SPPL3: variants seen among roughly 807,000 people sequenced by gnomAD.
SPPL3 encodes signal peptide peptidase like 3, also known as signal peptide peptidase-like 3.
A neutral mutation model predicts 42.4 loss-of-function variants in SPPL3; 5 were observed. The observed-to-expected ratio is 0.12, with a 90% CI of 0.06 to 0.25. The LOEUF is 0.25. SPPL3 is among the 10% of genes least tolerant of loss of function. The pLI, the probability that SPPL3 is intolerant of heterozygous loss-of-function variation, is 1.00. For synonymous variants in SPPL3, 195 were observed against 181.8 expected, an observed-to-expected ratio of 1.07 and a Z score of -0.58; for missense variants, 235 against 489.0, an observed-to-expected ratio of 0.48 and a Z score of 4.90.
At chr12:120,767,936 C>T (rs1868970682) in intron 8 of SPPL3, among the ~76,000 whole-genome samples, 1 of 152,172 alleles carries the variant, frequency 6.6e-6, no homozygotes, top group African/African-American at 2.4e-5. Context: ...GCTACTATTA[C>T]AGGTGGAAGA....
At chr12:120,776,993 T>C (rs1869343455) in intron 6 of SPPL3, among the ~76,000 whole-genome samples, 1 of 152,194 alleles carries the variant, frequency 6.6e-6, no homozygotes. Flanking sequence ...GTGCTTTCAT[T>C]GTCTCATTCC....
intron 1 of SPPL3, among the ~76,000 whole-genome samples, chr12:120,838,409 C>T (rs957691020): frequency 6.6e-6 from 1 of 152,164 alleles, no homozygotes. Context: ...TCCCAAACTG[C>T]GACCAAAAAC....
At chr12:120,890,588 C>CAAAAA (rs34253596) in intron 1 of SPPL3, among the ~76,000 whole-genome samples, 6 of 91,434 alleles carry the variant, frequency 6.6e-5, no homozygotes, top group Non-Finnish European at 8.5e-5. Flanking sequence ...GACTCCGTCT[C>CAAAAA]AAAAAAAAAA....
chr12:120,872,323 C>A (rs1242215965), intron 1 of SPPL3, among the ~76,000 whole-genome samples: 2 of 152,106 alleles, frequency 1.3e-5, no homozygotes, highest in Non-Finnish European at 2.9e-5. Context: ...GAAAACCAGA[C>A]AATACACATG....
intron 1 of SPPL3, among the ~76,000 whole-genome samples, chr12:120,863,116 G>A (rs1872657607): frequency 1.3e-5 from 2 of 152,202 alleles, no homozygotes; most frequent in Non-Finnish European, 2.9e-5. Flanking sequence ...GGGAGGCTGA[G>A]GTGGGTGGAT....
intron 3 of SPPL3, among the ~76,000 whole-genome samples, chr12:120,790,546 C>T (rs1869879699): frequency 6.6e-6 from 1 of 152,074 alleles, no homozygotes; most frequent in African/African-American, 2.4e-5. Flanking sequence ...TTATATGTTC[C>T]CCTAACCTGA....
chr12:120,767,789 C>T (rs922492746), intron 8 of SPPL3, among the ~76,000 whole-genome samples, 196 bp from the exon 9 acceptor site: 5 of 152,232 alleles, frequency 3.3e-5, no homozygotes, highest in African/African-American at 4.8e-5. Flanking sequence ...GAGGTCTCCA[C>T]CTTGGCCCCC....
At chr12:120,884,642 G>A (rs192676465) in intron 1 of SPPL3, among the ~76,000 whole-genome samples, 1 of 150,016 alleles carries the variant, frequency 6.7e-6, no homozygotes, top group Non-Finnish European at 1.5e-5. Context: ...TCTCTGTGTT[G>A]GTAGAATTGT....
chr12:120,872,831 A>C (rs1566066290), intron 1 of SPPL3, among the ~76,000 whole-genome samples: 1 of 152,204 alleles, frequency 6.6e-6, no homozygotes. Context: ...ACTAGCCACA[A>C]AAACCTTAAA....
At chr12:120,890,504 G>A (rs754450643) in intron 1 of SPPL3, among the ~76,000 whole-genome samples, 2 of 149,374 alleles carry the variant, frequency 1.3e-5, no homozygotes, top group African/African-American at 2.5e-5. Context: ...CAGGAGAATC[G>A]CTTGAATCTG....
At chr12:120,812,127 T>C (rs568666447) in intron 1 of SPPL3, among the ~76,000 whole-genome samples, 1 of 148,634 alleles carries the variant, frequency 6.7e-6, no homozygotes, top group South Asian at 2.1e-4. Context: ...AAAAGTAACA[T>C]AGGAGGAACA....
At chr12:120,870,342 G>A (rs1486139060) in intron 1 of SPPL3, among the ~76,000 whole-genome samples, 1 of 152,182 alleles carries the variant, frequency 6.6e-6, no homozygotes, top group Non-Finnish European at 1.5e-5. Context: ...CTACTCGGGA[G>A]GCTGAGGCAG....
chr12:120,851,069 C>T (rs1011134436), intron 1 of SPPL3, among the ~76,000 whole-genome samples: 3 of 152,196 alleles, frequency 2.0e-5, no homozygotes, highest in Non-Finnish European at 4.4e-5. Flanking sequence ...CAGCCTACCA[C>T]ACAATTACCA....
At chr12:120,867,754 AT>A (rs67510255) in intron 1 of SPPL3, among the ~76,000 whole-genome samples, 128,686 of 150,570 alleles carry the variant, frequency 0.85, 55,463 homozygotes, top group East Asian at 1. Context: ...TTAAAAAAAA[AT>A]TTTTTTTTGA....
intron 2 of SPPL3, among the ~76,000 whole-genome samples, chr12:120,803,995 T>C (rs1468054951): frequency 6.6e-6 from 1 of 152,216 alleles, no homozygotes; most frequent in Non-Finnish European, 1.5e-5. Flanking sequence ...GCACTTAGAA[T>C]GAAGGGCATC....
chr12:120,859,868 G>A (rs141112288), intron 1 of SPPL3, among the ~76,000 whole-genome samples: 2,482 of 152,128 alleles, frequency 0.016, 75 homozygotes, highest in African/African-American at 0.056. Flanking sequence ...GCTTGAACCC[G>A]GGAGGCAGAG....
chr12:120,899,824 C>T (rs759756029), intron 1 of SPPL3, among the ~76,000 whole-genome samples: 2 of 127,638 alleles, frequency 1.6e-5, no homozygotes, highest in Admixed American at 1.0e-4. Context: ...ACCCAGGAGG[C>T]GGAGGTTGCT....
At chr12:120,785,520 TA>T (rs1869691870) in intron 3 of SPPL3, among the ~76,000 whole-genome samples, 1 of 151,916 alleles carries the variant, frequency 6.6e-6, no homozygotes, top group Admixed American at 6.6e-5. Flanking sequence ...GTATTTTTGG[TA>T]GAGAAGGAAA....
chr12:120,823,949 C>T (rs1871159630), intron 1 of SPPL3, among the ~76,000 whole-genome samples: 1 of 151,776 alleles, frequency 6.6e-6, no homozygotes, highest in African/African-American at 2.4e-5. Context: ...CAGCTCACTG[C>T]AAGCTCCGCC....
Sources: gnomAD v4.1 joint callset for allele counts (sites outside exome capture counted in the v4.1 genomes callset) on GRCh38, gnomAD v4.1.1 for gene constraint, MANE v1.5 for transcripts, NCBI Gene and HGNC (gene_info 2026-07-23, HGNC 2026-07-21) for gene names.